Variants in NAA15 observed in about 807,000 individuals in gnomAD.
NAA15 encodes the protein N-alpha-acetyltransferase 15, NatA auxiliary subunit.
NAA15 carries 34 observed loss-of-function variants against 114.0 expected under a neutral mutation model. The ratio of observed to expected loss-of-function variants is 0.30; its 90% confidence interval spans 0.23 to 0.40. The LOEUF (loss-of-function observed/expected upper bound fraction) is 0.40. NAA15 is among the 10% of genes least tolerant of loss of function. NAA15 has a pLI of 1.00. For synonymous variants in NAA15, 340 were observed against 338.0 expected, an observed-to-expected ratio of 1.01 and a Z score of -0.06; for missense variants, 658 against 1,004.5, an observed-to-expected ratio of 0.66 and a Z score of 4.66.
Position 139,349,457 on chromosome 4 carries a change from A to C in NAA15, c.692-5A>C, listed in dbSNP as rs1332992306. 1 of 1,562,134 alleles carries C rather than the reference A, an allele frequency of 6.4e-7. No individual in the cohort carries two copies. Among genetic ancestry groups the C allele is most frequent in the African/African-American group, 1.4e-5 (1 of 71,878 alleles). On this transcript the variant is annotated splice_region_variant and splice_polypyrimidine_tract_variant and intron_variant, in intron 6 of 19. Transcript: ENST00000296543. Reference sequence around the variant, plus strand: ...AAAATTTTTTTTTTTTCTGTTTTTAATCAGGGGAACTTCTGTTGCAACTAT... The same window carrying C: ...AAAATTTTTTTTTTTTCTGTTTTTACTCAGGGGAACTTCTGTTGCAACTAT...
chr4:139,330,555 A>G (rs114547219), intron 1 of NAA15, among the ~76,000 whole-genome samples: 84 of 152,326 alleles, frequency 5.5e-4, no homozygotes, highest in African/African-American at 2.0e-3. Context: ...AGTATAAGGG[A>G]AGGAGAAGCA....
chr4:139,364,741 T>C (rs1474045801), intron 14 of NAA15, among the ~76,000 whole-genome samples: 1 of 152,234 alleles, frequency 6.6e-6, no homozygotes, highest in East Asian at 1.9e-4. Context: ...TTTCGTGTTT[T>C]TACATGCAGA....
chr4:139,342,594 C>T (rs559673113), intron 4 of NAA15, among the ~76,000 whole-genome samples: 13 of 151,084 alleles, frequency 8.6e-5, no homozygotes, highest in East Asian at 2.0e-4. Context: ...GGACCACAGG[C>T]GTGCACCACC....
chr4:139,327,670 G>A (rs527474950), intron 1 of NAA15, among the ~76,000 whole-genome samples: 1 of 151,824 alleles, frequency 6.6e-6, no homozygotes, highest in East Asian at 1.9e-4. Context: ...TTTTCGTTTT[G>A]TTTTGTTTTG....
chr4:139,325,526 A>G (rs1186020594), intron 1 of NAA15, among the ~76,000 whole-genome samples: 3 of 152,250 alleles, frequency 2.0e-5, no homozygotes, highest in Admixed American at 1.3e-4. Flanking sequence ...TTTGAAAAAC[A>G]TACGATAAAC....
chr4:139,309,816 T>C (rs1298771349), intron 1 of NAA15, among the ~76,000 whole-genome samples: 2 of 152,206 alleles, frequency 1.3e-5, no homozygotes, highest in African/African-American at 4.8e-5. Flanking sequence ...GACAACACTA[T>C]ATTTTCAGAA....
intron 16 of NAA15, among the ~76,000 whole-genome samples, chr4:139,378,219 C>G (rs1410918036): frequency 3.3e-5 from 5 of 152,062 alleles, no homozygotes. Flanking sequence ...GGAGATACTA[C>G]TGAATCTTGG....
chr4:139,327,410 C>T (rs899499912), intron 1 of NAA15, among the ~76,000 whole-genome samples: 3 of 152,102 alleles, frequency 2.0e-5, no homozygotes, highest in Non-Finnish European at 2.9e-5. Flanking sequence ...CTGCCACGCC[C>T]AGCTAATTTT....
chr4:139,360,925 A>G (rs892788321), intron 13 of NAA15, among the ~76,000 whole-genome samples: 19 of 152,084 alleles, frequency 1.2e-4, no homozygotes, highest in African/African-American at 3.9e-4. Context: ...TAGTACATAC[A>G]CAGCTGATTA....
At chr4:139,319,655 A>T (rs967608803) in intron 1 of NAA15, among the ~76,000 whole-genome samples, 3 of 146,752 alleles carry the variant, frequency 2.0e-5, no homozygotes, top group Admixed American at 6.9e-5. Flanking sequence ...CTGGTCTTGA[A>T]CTCCTGGGCT....
At chr4:139,321,596 C>T (rs1056225219) in intron 1 of NAA15, among the ~76,000 whole-genome samples, 2 of 140,070 alleles carry the variant, frequency 1.4e-5, no homozygotes, top group African/African-American at 5.6e-5. Flanking sequence ...CTCAGCCTCC[C>T]GAGTAGCTGG....
chr4:139,333,382 A>T (rs979119074), intron 1 of NAA15, among the ~76,000 whole-genome samples: 1 of 151,934 alleles, frequency 6.6e-6, no homozygotes, highest in African/African-American at 2.4e-5. Context: ...CTGATTATAG[A>T]TCTTTTTTAT....
intron 1 of NAA15, among the ~76,000 whole-genome samples, chr4:139,331,220 C>T (rs1746989076): frequency 6.6e-6 from 1 of 152,160 alleles, no homozygotes; most frequent in African/African-American, 2.4e-5. Flanking sequence ...CATCCCCTTG[C>T]TTTCCCCCTC....
intron 14 of NAA15, among the ~76,000 whole-genome samples, chr4:139,366,573 G>A (rs954461858): frequency 3.3e-5 from 5 of 150,696 alleles, no homozygotes; most frequent in Non-Finnish European, 7.4e-5. Context: ...CTGCATTTTG[G>A]TTACAAATTA....
intron 10 of NAA15, among the ~76,000 whole-genome samples, chr4:139,355,062 C>CG (rs1354059454): frequency 6.6e-6 from 1 of 151,696 alleles, no homozygotes; most frequent in Non-Finnish European, 1.5e-5. Context: ...TTGGTAGAGA[C>CG]GGGGTCTCAC....
intron 14 of NAA15, among the ~76,000 whole-genome samples, chr4:139,369,892 C>T (rs936411995): frequency 1.3e-5 from 2 of 151,996 alleles, no homozygotes; most frequent in African/African-American, 4.8e-5. Context: ...GCAACCTCTG[C>T]CTCCTGGGTT....
intron 14 of NAA15, among the ~76,000 whole-genome samples, chr4:139,366,291 A>T (rs534837363): frequency 4.6e-5 from 7 of 152,076 alleles, no homozygotes; most frequent in Non-Finnish European, 8.8e-5. Context: ...GACTGAAGGG[A>T]TCCATTTCCT....
chr4:139,305,067 G>T (rs115878665), intron 1 of NAA15, among the ~76,000 whole-genome samples: 1,788 of 152,282 alleles, frequency 0.012, 12 homozygotes, highest in East Asian at 0.03. Flanking sequence ...TCACTACAGG[G>T]CTACTACATC....
At chr4:139,323,647 A>G (rs1367807984) in intron 1 of NAA15, among the ~76,000 whole-genome samples, 1 of 152,030 alleles carries the variant, frequency 6.6e-6, no homozygotes, top group East Asian at 1.9e-4. Context: ...CACCTCTTAC[A>G]CCTATTCTGC....
Sources: allele counts gnomAD v4.1 joint callset (sites outside exome capture counted in the v4.1 genomes callset), GRCh38; gene constraint gnomAD v4.1.1; transcripts MANE v1.5; gene names NCBI Gene and HGNC (gene_info 2026-07-23, HGNC 2026-07-21).